BCLAF1: variants seen among roughly 807,000 people sequenced by gnomAD.
The protein encoded by BCLAF1 is bcl-2-associated transcription factor 1.
Under a neutral mutation model 99.5 loss-of-function variants are expected in BCLAF1, and 10 were observed. The observed-to-expected ratio is 0.10, with a 90% CI of 0.06 to 0.17. The LOEUF (loss-of-function observed/expected upper bound fraction) is 0.17. BCLAF1 is among the 10% of genes least tolerant of loss of function. The pLI is 1.00. For synonymous variants in BCLAF1, 255 were observed against 370.9 expected (o/e 0.69, Z 3.59); for missense variants, 636 against 1,105.8 (o/e 0.58, Z 6.02).
intron 3 of BCLAF1, chr6:136,279,403 A>T (rs879512444): frequency 6.4e-6 from 1 of 156,348 alleles, no homozygotes; most frequent in African/African-American, 2.4e-5. Flanking sequence ...AAAGATTCAC[A>T]GTCAGAAATG....
rs1033002462 is a variant in BCLAF1, at chr6:136,258,545, T to C, written c.*2565A>G. 3 of 152,452 alleles carry C rather than the reference T, an allele frequency of 2.0e-5. No homozygotes were observed. The highest frequency in any genetic ancestry group is 1.3e-4 in the Admixed American group (2 of 15,268). 9.4% of individuals were successfully genotyped at this position (152,452 alleles called of 1,614,324 possible). A position where few individuals can be genotyped will look rare whatever the true frequency, so the allele number is the denominator to read the frequency against. The stretch of plus-strand genomic sequence containing the variant: ...GATATTCTAAAATAGGCCACAGAAA[T>C]AAGATGTGTGAAATAGACACAGGTA... On this transcript the variant is annotated 3_prime_UTR_variant, in exon 13 of 13. Coordinates refer to ENST00000531224, the MANE Select transcript of BCLAF1 (RefSeq NM_014739.3).
chr6:136,267,398 T>G (rs1781864146), intron 10 of BCLAF1, among the ~76,000 whole-genome samples: 1 of 151,996 alleles, frequency 6.6e-6, no homozygotes. Flanking sequence ...AGTGTTAGAA[T>G]ACTGTACTTT....
At chr6:136,276,660 C>G in intron 4 of BCLAF1, 152 bp from the exon 5 acceptor site, 1 of 923,116 alleles carries the variant, frequency 1.1e-6, no homozygotes, top group Non-Finnish European at 1.5e-6. Flanking sequence ...TTTTAAAAAT[C>G]ATTGAAAGCA....
rs922430326 is a variant in BCLAF1, at chr6:136,280,833, C to G, written c.-10-957G>C. Among the ~76,000 whole-genome samples, 93 of 152,164 alleles carry G rather than the reference C, an allele frequency of 6.1e-4. 3 individuals are homozygous for G. The highest frequency in any genetic ancestry group is 6.1e-3 in the Admixed American group (93 of 15,276). On this transcript the variant is annotated intron_variant, in intron 2 of 12. Transcript: ENST00000531224. ...TTAGATTATATCTTAGCCTCTCAAG[C>G]TTGTTTTTGCTGCATAGAACTATTT... is the stretch of plus-strand genomic sequence containing the variant.
At chr6:136,286,903 G>A (rs1006514814) in intron 1 of BCLAF1, among the ~76,000 whole-genome samples, 2 of 152,152 alleles carry the variant, frequency 1.3e-5, no homozygotes, top group Admixed American at 6.5e-5. Flanking sequence ...ATGAGGTGGA[G>A]GTTGCAGTGA....
At chr6:136,278,884 C>T (rs1172130170) in intron 3 of BCLAF1, 108 bp from the exon 4 acceptor site, 16 of 1,152,704 alleles carry the variant, frequency 1.4e-5, no homozygotes, top group Non-Finnish European at 1.2e-6. Flanking sequence ...GGCAAAAATA[C>T]ACTTTTTTAA....
At chr6:136,261,703 G>A (rs1034915979) in intron 11 of BCLAF1, among the ~76,000 whole-genome samples, 11 of 152,046 alleles carry the variant, frequency 7.2e-5, no homozygotes, top group African/African-American at 2.4e-4. Flanking sequence ...AAGCACTGAA[G>A]GTTACCCAGA....
intron 9 of BCLAF1, among the ~76,000 whole-genome samples, chr6:136,268,923 A>G (rs1584030593): frequency 6.6e-6 from 1 of 151,944 alleles, no homozygotes; most frequent in Non-Finnish European, 1.5e-5. Context: ...ATTTAATGCA[A>G]CACCCGAAAA....
At position 136,257,865 on chromosome 6, in the gene BCLAF1, A is replaced by C. The variant is rs924991003; in HGVS notation, c.*3245T>G. The C allele has an allele frequency of 6.6e-6, 1 of 152,154 alleles. No homozygotes were observed. The highest frequency in any genetic ancestry group is 1.5e-5 in the Non-Finnish European group (1 of 67,962). 9.4% of individuals were successfully genotyped at this position (152,154 alleles called of 1,614,324 possible). On this transcript the variant is annotated 3_prime_UTR_variant, in exon 13 of 13. Transcript: ENST00000531224. ...TCCCCACCAATGGGATTCCAGTTGA[A>C]ACCCAGAAAAAGAAAAATAAGAAAA...
rs1471048877 is a variant in BCLAF1, at chr6:136,259,276, T to C, written c.*1834A>G. On this transcript the variant is annotated 3_prime_UTR_variant, in exon 13 of 13. Transcript: ENST00000531224. ...AGGAATTAAGTAGTTTTATTCCCAC[T>C]CCCTATTACATAATTTCTCAGATCC... 6.6e-6 allele frequency: 1 copy of C among 152,034 alleles called. No homozygotes were observed. The highest frequency in any genetic ancestry group is 1.9e-4 in the East Asian group (1 of 5,198). 9.4% of individuals were successfully genotyped at this position (152,034 alleles called of 1,614,324 possible).
Position 136,257,655 on chromosome 6 carries a change from T to A in BCLAF1, c.*3455A>T, listed in dbSNP as rs1271625844. On this transcript the variant is annotated 3_prime_UTR_variant, in exon 13 of 13. Coordinates refer to ENST00000531224, the MANE Select transcript of BCLAF1 (RefSeq NM_014739.3). ...ATCAACTATTTGAGAACTCTAAACA[T>A]GTAATGGATATTACTTTCTCATTTT... is the stretch of plus-strand genomic sequence containing the variant. The A allele has an allele frequency of 6.6e-6, 1 of 152,190 alleles. No individual in the cohort carries two copies. Among genetic ancestry groups the A allele is most frequent in the East Asian group, 1.9e-4 (1 of 5,200 alleles). 9.4% of individuals were successfully genotyped at this position (152,190 alleles called of 1,614,324 possible). A position where few individuals can be genotyped will look rare whatever the true frequency, so the allele number is the denominator to read the frequency against.
chr6:136,263,046 G>A (rs1781234985), intron 11 of BCLAF1, among the ~76,000 whole-genome samples: 1 of 152,136 alleles, frequency 6.6e-6, no homozygotes, highest in Non-Finnish European at 1.5e-5. Context: ...TGTTTCTATA[G>A]TGTGTAATAT....
chr6:136,282,063 A>T (rs1784451647), intron 2 of BCLAF1, among the ~76,000 whole-genome samples: 1 of 152,220 alleles, frequency 6.6e-6, no homozygotes, highest in African/African-American at 2.4e-5. Context: ...AGCTAAGAAC[A>T]TGGTCTCTGC....
chr6:136,275,659 A>C lies in BCLAF1; in HGVS notation c.1725T>G (p.Leu575=), dbSNP rs778550374. Residue 575 remains leucine (L), a synonymous_variant, in exon 6 of 13, where the codon CTT becomes CTG. Coordinates refer to ENST00000531224, the MANE Select transcript of BCLAF1 (RefSeq NM_014739.3). ...LTKDRLLAST[L]VHSVKKEQEF... ...CTTGCTCCTTCTTGACAGAATGGAC[A>C]AGTGTACTAGCAAGCAGCCTGTCTT... The C allele has an allele frequency of 1.3e-6, 2 of 1,593,474 alleles. No individual in the cohort carries two copies. The highest frequency in any genetic ancestry group is 1.7e-6 in the Non-Finnish European group (2 of 1,171,464).
chr6:136,261,209 C>T lies in BCLAF1; in HGVS notation c.2757+56G>A, dbSNP rs1312124420. On this transcript the variant is annotated intron_variant, in intron 12 of 12. Coordinates refer to ENST00000531224, the MANE Select transcript of BCLAF1 (RefSeq NM_014739.3). ...TTGTTCCTAAAAATGAAATAATTCA[C>T]CCACCAAACCTATATCAAAAAAAAT... The T allele has an allele frequency of 7.6e-6, 12 of 1,572,058 alleles. No homozygotes were observed. The African/African-American group carries it at 9.6e-5, about 13-fold the overall frequency.
chr6:136,261,509 A>G, intron 11 of BCLAF1, 32 bp from the exon 12 acceptor site: 1 of 1,588,480 alleles, frequency 6.3e-7, no homozygotes, highest in Non-Finnish European at 8.6e-7. Context: ...TTGTCAATGA[A>G]ATGTTTCTTG....
At chr6:136,264,114 C>A (rs1323565322) in intron 11 of BCLAF1, among the ~76,000 whole-genome samples, 3 of 152,132 alleles carry the variant, frequency 2.0e-5, no homozygotes, top group African/African-American at 7.2e-5. Context: ...GGCCCCAACT[C>A]AAAAGCCTTT....
intron 3 of BCLAF1, 145 bp from the exon 4 acceptor site, chr6:136,278,921 G>T: frequency 1.3e-6 from 1 of 792,866 alleles, no homozygotes; most frequent in Non-Finnish European, 1.8e-6. Context: ...AAAGTTAATG[G>T]TTTCCAATCA....
chr6:136,275,248 AAC>A (rs1783116686), intron 6 of BCLAF1, among the ~76,000 whole-genome samples: 1 of 152,134 alleles, frequency 6.6e-6, no homozygotes, highest in Admixed American at 6.6e-5. Context: ...ATACTTAAAA[AAC>A]ACTTTTAGCA....
Sources: allele counts gnomAD v4.1 joint callset (sites outside exome capture counted in the v4.1 genomes callset), GRCh38; gene constraint gnomAD v4.1.1; transcripts MANE v1.5; gene names NCBI Gene and HGNC (gene_info 2026-07-23, HGNC 2026-07-21).